MDGA2: variants seen among roughly 807,000 people sequenced by gnomAD.
MDGA2 encodes MAM domain-containing glycosylphosphatidylinositol anchor protein 2.
MDGA2 carries 40 observed loss-of-function variants against 117.8 expected under a neutral mutation model. The observed-to-expected ratio is 0.34, with a 90% CI of 0.26 to 0.44. The LOEUF is 0.44. Among genes scored for constraint, MDGA2 ranks in the 20% least tolerant of loss-of-function variants. The pLI is 1.00. For missense variants in MDGA2, 1,123 were observed against 1,250.6 expected, an observed-to-expected ratio of 0.90 and a Z score of 1.54; for synonymous variants, 452 against 439.0, an observed-to-expected ratio of 1.03 and a Z score of -0.37.
intron 5 of MDGA2, among the ~76,000 whole-genome samples, chr14:47,113,613 A>C (rs533883180): frequency 5.3e-5 from 8 of 152,314 alleles, no homozygotes; most frequent in African/African-American, 1.7e-4. Context: ...TACACAAATC[A>C]ATAAACATAA....
chr14:47,463,151 G>T (rs1275262198), intron 1 of MDGA2, among the ~76,000 whole-genome samples: 3 of 152,072 alleles, frequency 2.0e-5, no homozygotes, highest in African/African-American at 7.2e-5. Context: ...CAAACATTTT[G>T]TCATAGAAAA....
At chr14:47,477,111 G>A (rs376438807) in intron 1 of MDGA2, among the ~76,000 whole-genome samples, 5 of 152,282 alleles carry the variant, frequency 3.3e-5, no homozygotes, top group East Asian at 1.9e-4. Context: ...GCAGTGAGCC[G>A]AGATCGTGCC....
At chr14:46,951,027 T>C (rs17117803) in intron 9 of MDGA2, among the ~76,000 whole-genome samples, 1 of 151,824 alleles carries the variant, frequency 6.6e-6, no homozygotes, top group African/African-American at 2.4e-5. Flanking sequence ...CAGTCATTTT[T>C]AATTTCTTTA....
At chr14:47,508,175 T>C (rs1894556014) in intron 1 of MDGA2, among the ~76,000 whole-genome samples, 1 of 152,206 alleles carries the variant, frequency 6.6e-6, no homozygotes, top group Admixed American at 6.5e-5. Flanking sequence ...AAGTTATCTC[T>C]CCTATAAATC....
Position 47,675,132 on chromosome 14 carries a change from G to A in MDGA2, c.-336C>T, listed in dbSNP as rs1017915929. On this transcript the variant is annotated 5_prime_UTR_variant, in exon 1 of 17. Transcript: ENST00000399232. ...ACACCGAGCAGGGCTCTCTTGCCTG[G>A]ATTCGCCTTTACAAAGTAACTCGCG... Among the ~76,000 whole-genome samples, 11 of 151,972 alleles carry A rather than the reference G, an allele frequency of 7.2e-5. No individual in the cohort carries two copies. Among genetic ancestry groups the A allele is most frequent in the African/African-American group, 2.7e-4 (11 of 41,424 alleles).
At chr14:46,893,417 AG>A (rs1424240560) in intron 10 of MDGA2, among the ~76,000 whole-genome samples, 1 of 151,774 alleles carries the variant, frequency 6.6e-6, no homozygotes. Context: ...AGGATAAATA[AG>A]GATAGAGATT....
intron 8 of MDGA2, among the ~76,000 whole-genome samples, chr14:46,960,269 G>C (rs1885743410): frequency 6.6e-6 from 1 of 151,956 alleles, no homozygotes; most frequent in African/African-American, 2.4e-5. Flanking sequence ...TATACCTATA[G>C]TATTTTTTAA....
intron 1 of MDGA2, among the ~76,000 whole-genome samples, chr14:47,584,569 T>A (rs1331269508): frequency 1.3e-5 from 2 of 151,820 alleles, no homozygotes; most frequent in Admixed American, 6.6e-5. Context: ...CCATTCCTTC[T>A]GCTATGGCAC....
At chr14:46,867,815 C>G (rs760664365) in intron 14 of MDGA2, among the ~76,000 whole-genome samples, 3 of 151,842 alleles carry the variant, frequency 2.0e-5, no homozygotes, top group Non-Finnish European at 4.4e-5. Flanking sequence ...ATGCATTTCT[C>G]TTTGCATTAA....
chr14:46,943,835 T>G (rs1290804604), intron 9 of MDGA2, among the ~76,000 whole-genome samples: 1 of 152,106 alleles, frequency 6.6e-6, no homozygotes, highest in Non-Finnish European at 1.5e-5. Context: ...TTGAGCCATA[T>G]GGTCATTGTT....
At chr14:46,867,226 G>T (rs1015584332) in intron 14 of MDGA2, among the ~76,000 whole-genome samples, 1 of 152,152 alleles carries the variant, frequency 6.6e-6, no homozygotes, top group Non-Finnish European at 1.5e-5. Context: ...AAAATGATGA[G>T]TTCATGTACT....
intron 3 of MDGA2, among the ~76,000 whole-genome samples, chr14:47,214,789 A>G (rs562592300): frequency 1.3e-5 from 2 of 152,258 alleles, no homozygotes; most frequent in African/African-American, 4.8e-5. Flanking sequence ...AGAAACTTGT[A>G]GAACGTGGGA....
chr14:47,379,740 C>T (rs1422815437), intron 1 of MDGA2, among the ~76,000 whole-genome samples: 1 of 152,132 alleles, frequency 6.6e-6, no homozygotes, highest in Middle Eastern at 3.2e-3. Flanking sequence ...TAGAGACCTA[C>T]AAAGAGACTT....
chr14:47,366,522 T>A (rs1187817323), intron 1 of MDGA2, among the ~76,000 whole-genome samples: 2 of 152,134 alleles, frequency 1.3e-5, no homozygotes, highest in Non-Finnish European at 2.9e-5. Context: ...CCTACCTGAT[T>A]ATTTTCTTCG....
chr14:47,421,104 G>A (rs955155765), intron 1 of MDGA2, among the ~76,000 whole-genome samples: 2 of 152,020 alleles, frequency 1.3e-5, no homozygotes, highest in African/African-American at 4.8e-5. Context: ...CATTTTACCT[G>A]GTCAATCAAT....
intron 8 of MDGA2, among the ~76,000 whole-genome samples, chr14:47,031,419 T>A (rs1234620788): frequency 6.6e-6 from 1 of 152,190 alleles, no homozygotes; most frequent in Non-Finnish European, 1.5e-5. Context: ...TATTGCCACC[T>A]CTTTTACATT....
At chr14:47,610,028 T>C (rs925390737) in intron 1 of MDGA2, among the ~76,000 whole-genome samples, 1 of 151,978 alleles carries the variant, frequency 6.6e-6, no homozygotes, top group Non-Finnish European at 1.5e-5. Flanking sequence ...GGGAAGTCAA[T>C]AAATGTGATG....
intron 8 of MDGA2, among the ~76,000 whole-genome samples, chr14:46,966,400 GTTAT>G (rs1258821355): frequency 1.3e-5 from 2 of 152,104 alleles, no homozygotes; most frequent in East Asian, 1.9e-4. Context: ...TGCCTTACTG[GTTAT>G]TTAAAGTTAT....
At chr14:47,265,891 A>T (rs1389409553) in intron 2 of MDGA2, among the ~76,000 whole-genome samples, 1 of 152,096 alleles carries the variant, frequency 6.6e-6, no homozygotes, top group African/African-American at 2.4e-5. Context: ...GCAAATCACA[A>T]ATCACAACAC....
Sources: allele counts gnomAD v4.1 joint callset (sites outside exome capture counted in the v4.1 genomes callset), GRCh38; gene constraint gnomAD v4.1.1; transcripts MANE v1.5; gene names NCBI Gene and HGNC (gene_info 2026-07-23, HGNC 2026-07-21).